Variants in SPEF2 observed in about 807,000 individuals in gnomAD.
SPEF2 encodes the protein sperm flagellar and cilia associated 2, also known as sperm flagella and cilia-associated protein 2.
SPEF2 carries 187 observed loss-of-function variants against 224.6 expected under a neutral mutation model. The observed-to-expected ratio is 0.83, with a 90% confidence interval of 0.74 to 0.94. The LOEUF is 0.94. Among genes scored for constraint, SPEF2 ranks in the 40% least tolerant of loss-of-function variants. SPEF2 has a pLI of 0.00. For missense variants in SPEF2, 2,170 were observed against 2,135.6 expected (o/e 1.02, Z -0.32); for synonymous variants, 715 against 707.3 (o/e 1.01, Z -0.17).
chr5:35,782,990 T>G (rs1754556606), intron 30 of SPEF2, among the ~76,000 whole-genome samples: 1 of 152,184 alleles, frequency 6.6e-6, no homozygotes, highest in South Asian at 2.1e-4. Flanking sequence ...AATGAAACAG[T>G]TGATTACACT....
chr5:35,686,426 G>T (rs1753636705), intron 10 of SPEF2, among the ~76,000 whole-genome samples: 1 of 151,934 alleles, frequency 6.6e-6, no homozygotes, highest in South Asian at 2.1e-4. Flanking sequence ...TACATTTTAT[G>T]TGCACTGAAG....
chr5:35,646,707 A>T lies in SPEF2; in HGVS notation c.626A>T (p.Lys209Ile). The change falls in exon 5 of 37, where the codon AAA becomes ATA. Residue 209 changes from lysine to isoleucine, a missense_variant. Lys to Ile is a moderately radical substitution (Grantham distance 102). Transcript: ENST00000356031. The stretch of plus-strand genomic sequence containing the variant: ...AGACGACAAAATGAAATAATGGCCA[A>T]AATCCAAGCAGCTATTATACAGATT... ...NRRRQNEIMA[K>I]IQAAIIQIPK... 1 of 1,613,964 alleles carries T rather than the reference A, an allele frequency of 6.2e-7. No individual in the cohort carries two copies.
At chr5:35,644,688 C>T (rs553641780) in intron 4 of SPEF2, among the ~76,000 whole-genome samples, 163 bp downstream of exon 4, 3 of 145,620 alleles carry the variant, frequency 2.1e-5, no homozygotes, top group African/African-American at 7.7e-5. Context: ...CTCTCCCCTG[C>T]TCCTTTTCTC....
intron 25 of SPEF2, among the ~76,000 whole-genome samples, chr5:35,761,136 G>A (rs1580628201): frequency 6.6e-6 from 1 of 152,110 alleles, no homozygotes; most frequent in East Asian, 1.9e-4. Context: ...AGTCAATGCA[G>A]GTGTCAGGAG....
Position 35,618,021 on chromosome 5 carries a change from G to T in SPEF2, c.24G>T (p.Trp8Cys). MSEILCQWLNKELKVSRT... is the reference protein window; with the variant it reads MSEILCQCLNKELKVSRT... ...CCATGTCGGAGATCCTGTGCCAGTG[G>T]CTCAACAAGGAGTTGAAGGTGTCCC... The change falls in exon 1 of 37, where the codon TGG becomes TGT. Residue 8 changes from tryptophan to cysteine, a missense_variant. Transcript: ENST00000356031. The T allele has an allele frequency of 6.3e-7, 1 of 1,586,824 alleles. No homozygotes were observed. Among genetic ancestry groups the T allele is most frequent in the South Asian group, 1.1e-5 (1 of 87,584 alleles).
At chr5:35,651,594 A>G (rs1197176983) in intron 6 of SPEF2, among the ~76,000 whole-genome samples, 1 of 152,222 alleles carries the variant, frequency 6.6e-6, no homozygotes, top group Non-Finnish European at 1.5e-5. Flanking sequence ...ACAATATAGC[A>G]CCCTTCTTAA....
intron 20 of SPEF2, among the ~76,000 whole-genome samples, chr5:35,720,252 T>C (rs73084388): frequency 0.018 from 2,745 of 152,258 alleles, 94 homozygotes; most frequent in African/African-American, 0.063. Flanking sequence ...CCTTAATTAT[T>C]AAAGGCCATA....
intron 20 of SPEF2, among the ~76,000 whole-genome samples, chr5:35,720,423 G>A (rs1342863969): frequency 6.6e-6 from 1 of 152,098 alleles, no homozygotes; most frequent in Non-Finnish European, 1.5e-5. Flanking sequence ...AGTCCTGTAT[G>A]TTTTTTTATT....
chr5:35,758,720 G>A (rs1172136529), intron 24 of SPEF2, among the ~76,000 whole-genome samples: 1 of 152,108 alleles, frequency 6.6e-6, no homozygotes, highest in Admixed American at 6.5e-5. Flanking sequence ...TTTAAACTCT[G>A]TGTTGCTGGG....
At chr5:35,622,973 C>A (rs1184924318) in intron 1 of SPEF2, among the ~76,000 whole-genome samples, 1 of 152,154 alleles carries the variant, frequency 6.6e-6, no homozygotes, top group African/African-American at 2.4e-5. Context: ...CAATCCTATT[C>A]TTTTACCAAA....
intron 3 of SPEF2, 80 bp downstream of exon 3, chr5:35,641,763 A>C: frequency 2.7e-6 from 4 of 1,468,668 alleles, no homozygotes; most frequent in Non-Finnish European, 3.7e-6. Context: ...TTGAATTCTC[A>C]AAGAAGCCTC....
rs188281514 is a variant in SPEF2, at chr5:35,653,804, G to A, written c.792-736G>A. On this transcript the variant is annotated intron_variant, in intron 6 of 36. Transcript: ENST00000356031. ...CTACTAAAAATACAAAAAATTAGCC[G>A]GGCGTGGTGGCGTGTGCCTGTAGTC... Among the ~76,000 whole-genome samples, 1,378 of 150,920 alleles carry A rather than the reference G, an allele frequency of 9.1e-3. 18 individuals carry two copies. Among genetic ancestry groups the A allele is most frequent in the African/African-American group, 0.033 (1,341 of 41,084 alleles).
intron 5 of SPEF2, among the ~76,000 whole-genome samples, chr5:35,648,433 G>GAACA: frequency 6.7e-6 from 1 of 149,894 alleles, no homozygotes; most frequent in South Asian, 2.1e-4. Context: ...TGCCCAGGCT[G>GAACA]GAGTGCAGTG....
intron 12 of SPEF2, among the ~76,000 whole-genome samples, chr5:35,693,378 T>C (rs1175573537): frequency 2.0e-5 from 3 of 152,184 alleles, no homozygotes; most frequent in African/African-American, 7.2e-5. Flanking sequence ...CGGCAGGCCT[T>C]TGTGGTCTAT....
At chr5:35,709,327 G>A (rs1580385219) in intron 19 of SPEF2, 1 of 1,386,714 alleles carries the variant, frequency 7.2e-7, no homozygotes, top group Non-Finnish European at 9.3e-7. Context: ...CCATGTAGGA[G>A]GAGACATGGA....
intron 10 of SPEF2, among the ~76,000 whole-genome samples, chr5:35,677,583 C>T (rs1752203901): frequency 1.3e-5 from 2 of 152,170 alleles, no homozygotes; most frequent in Admixed American, 6.5e-5. Flanking sequence ...GTGCCACATT[C>T]AATGCCTTGG....
chr5:35,704,589 A>G lies in SPEF2; in HGVS notation c.2434A>G (p.Ile812Val). 2 of 1,612,884 alleles carry G rather than the reference A, an allele frequency of 1.2e-6. No homozygotes were observed. The highest frequency in any genetic ancestry group is 1.7e-6 in the Non-Finnish European group (2 of 1,179,280). The change falls in exon 17 of 37, where the codon ATC (isoleucine) becomes GTC (valine). Residue 812 changes from isoleucine (I) to valine (V), a missense_variant. Transcript: ENST00000356031. ...ELSYKTAHED[I>V]SQRVAAENQD... ...GTCCTATAAAACTGCTCACGAAGAT[A>G]TCAGTCAACGTGTAGCTGCTGAAAA... is the stretch of plus-strand genomic sequence containing the variant.
intron 32 of SPEF2, 131 bp from the exon 33 acceptor site, chr5:35,795,572 C>T: frequency 3.2e-6 from 2 of 625,310 alleles, no homozygotes; most frequent in South Asian, 2.2e-5. Context: ...CTCCTACACC[C>T]CTGTGGTTTC....
chr5:35,743,196 A>AT (rs1747958814), intron 23 of SPEF2, among the ~76,000 whole-genome samples: 1 of 151,958 alleles, frequency 6.6e-6, no homozygotes, highest in Non-Finnish European at 1.5e-5. Context: ...ATAGAAATAA[A>AT]TATAACTTCA....
Sources: gnomAD v4.1 joint callset for allele counts (sites outside exome capture counted in the v4.1 genomes callset) on GRCh38, gnomAD v4.1.1 for gene constraint, MANE v1.5 for transcripts, NCBI Gene and HGNC (gene_info 2026-07-23, HGNC 2026-07-21) for gene names.